Variants in ELMO1 observed in about 807,000 individuals in gnomAD.
ELMO1 encodes the protein engulfment and cell motility protein 1.
In ELMO1, 26 loss-of-function variants were observed where a neutral mutation model predicts 98.9. The observed-to-expected ratio is 0.26, with a 90% CI of 0.19 to 0.36. The LOEUF (loss-of-function observed/expected upper bound fraction) is 0.36. ELMO1 is among the 10% of genes least tolerant of loss of function. The pLI is 1.00. For synonymous variants in ELMO1, 346 were observed against 346.0 expected, an observed-to-expected ratio of 1.00 and a Z score of 0.00; for missense variants, 627 against 935.2, an observed-to-expected ratio of 0.67 and a Z score of 4.30.
intron 1 of ELMO1, among the ~76,000 whole-genome samples, chr7:37,395,818 A>G (rs1275247474): frequency 6.6e-6 from 1 of 151,556 alleles, no homozygotes; most frequent in African/African-American, 2.4e-5. Flanking sequence ...GGTAGGAGAT[A>G]GGGACTTTCC....
chr7:37,363,288 C>A (rs1427200380), intron 1 of ELMO1, among the ~76,000 whole-genome samples: 1 of 152,156 alleles, frequency 6.6e-6, no homozygotes, highest in Admixed American at 6.5e-5. Context: ...CCCACCTGGG[C>A]TCTTGCAAGA....
chr7:37,332,380 C>G (rs1000199349), intron 2 of ELMO1, among the ~76,000 whole-genome samples: 2 of 152,222 alleles, frequency 1.3e-5, no homozygotes, highest in Non-Finnish European at 2.9e-5. Flanking sequence ...CGTGCAGGCC[C>G]TATGCTGGCG....
intron 16 of ELMO1, among the ~76,000 whole-genome samples, chr7:36,946,216 T>C (rs1013100545): frequency 1.3e-5 from 2 of 152,248 alleles, no homozygotes; most frequent in Non-Finnish European, 2.9e-5. Flanking sequence ...AAAGCCAATA[T>C]TTACCTGTCG....
intron 16 of ELMO1, among the ~76,000 whole-genome samples, chr7:36,926,153 G>C (rs1562829847): frequency 6.6e-6 from 1 of 152,162 alleles, no homozygotes; most frequent in Non-Finnish European, 1.5e-5. Context: ...GAAGATCCCA[G>C]CTGCCCAAGG....
chr7:36,894,381 G>A (rs904835922), intron 17 of ELMO1, among the ~76,000 whole-genome samples: 2 of 152,156 alleles, frequency 1.3e-5, no homozygotes, highest in African/African-American at 4.8e-5. Flanking sequence ...GGGCAAAGAG[G>A]AGGTAGTTCA....
intron 16 of ELMO1, among the ~76,000 whole-genome samples, chr7:36,974,383 C>T (rs535851123): frequency 6.6e-6 from 1 of 151,920 alleles, no homozygotes; most frequent in Admixed American, 6.5e-5. Flanking sequence ...ATACACCAAT[C>T]GGCACTCTGT....
chr7:37,272,761 T>C (rs147446682), intron 4 of ELMO1, among the ~76,000 whole-genome samples: 241 of 152,090 alleles, frequency 1.6e-3, no homozygotes, highest in African/African-American at 5.3e-3. Context: ...AAGTGAAAGA[T>C]GCCAGACACA....
intron 4 of ELMO1, among the ~76,000 whole-genome samples, chr7:37,300,886 G>T (rs1215203375): frequency 5.3e-5 from 8 of 152,268 alleles, no homozygotes; most frequent in African/African-American, 1.2e-4. Flanking sequence ...CAGCTGTGAA[G>T]CCATCTGGTC....
intron 13 of ELMO1, among the ~76,000 whole-genome samples, chr7:37,204,543 A>G (rs546247361): frequency 1.9e-4 from 29 of 152,264 alleles, no homozygotes; most frequent in African/African-American, 7.0e-4. Context: ...TATTGCAAAG[A>G]GCAAAAGAAC....
intron 15 of ELMO1, among the ~76,000 whole-genome samples, chr7:37,081,835 T>A (rs1797881561): frequency 6.6e-6 from 1 of 152,056 alleles, no homozygotes; most frequent in Admixed American, 6.5e-5. Context: ...ACAAAAAAAA[T>A]AATGAAAACA....
chr7:37,343,366 T>C (rs1419982183), intron 1 of ELMO1, among the ~76,000 whole-genome samples: 1 of 152,056 alleles, frequency 6.6e-6, no homozygotes, highest in African/African-American at 2.4e-5. Context: ...GCAGAAAATG[T>C]ACAGATGTGG....
chr7:37,289,861 C>T (rs1003583266), intron 4 of ELMO1, among the ~76,000 whole-genome samples: 1 of 152,010 alleles, frequency 6.6e-6, no homozygotes, highest in Admixed American at 6.6e-5. Flanking sequence ...GAGAGTTAAA[C>T]AGTTCAACAT....
chr7:37,061,987 T>G (rs1231938278), intron 15 of ELMO1, among the ~76,000 whole-genome samples: 1 of 152,210 alleles, frequency 6.6e-6, no homozygotes, highest in Non-Finnish European at 1.5e-5. Flanking sequence ...TGGGTTATAT[T>G]TCATCCTATG....
At chr7:36,954,321 T>A (rs538492772) in intron 16 of ELMO1, among the ~76,000 whole-genome samples, 76 of 152,260 alleles carry the variant, frequency 5.0e-4, no homozygotes, top group South Asian at 3.5e-3. Flanking sequence ...TCTGGCCAAA[T>A]GTTTAGGTCA....
chr7:36,915,155 G>A (rs1480377858), intron 16 of ELMO1, among the ~76,000 whole-genome samples: 1 of 151,996 alleles, frequency 6.6e-6, no homozygotes, highest in Admixed American at 6.6e-5. Flanking sequence ...TTGAACTCGT[G>A]GCTTCAAGTG....
At chr7:37,107,525 A>G (rs1785017671) in intron 14 of ELMO1, among the ~76,000 whole-genome samples, 1 of 152,244 alleles carries the variant, frequency 6.6e-6, no homozygotes, top group South Asian at 2.1e-4. Flanking sequence ...ATTAAGCAAC[A>G]AATCTCAAGA....
intron 1 of ELMO1, among the ~76,000 whole-genome samples, chr7:37,372,054 C>T (rs910268065): frequency 6.6e-6 from 1 of 151,876 alleles, no homozygotes; most frequent in South Asian, 2.1e-4. Context: ...CAAATACTGC[C>T]GGTAATTACC....
At chr7:37,423,010 A>G (rs1189996958) in intron 1 of ELMO1, among the ~76,000 whole-genome samples, 2 of 152,178 alleles carry the variant, frequency 1.3e-5, no homozygotes, top group Admixed American at 1.3e-4. Context: ...GCATTACATA[A>G]CTTGTTTAAA....
chr7:36,947,965 G>A (rs770561577), intron 16 of ELMO1, among the ~76,000 whole-genome samples: 15 of 152,162 alleles, frequency 9.9e-5, no homozygotes, highest in Non-Finnish European at 2.2e-4. Flanking sequence ...GAGTTCAAGT[G>A]ACATAAGCTA....
Sources: allele counts gnomAD v4.1 joint callset (sites outside exome capture counted in the v4.1 genomes callset), GRCh38; gene constraint gnomAD v4.1.1; transcripts MANE v1.5; gene names NCBI Gene and HGNC (gene_info 2026-07-23, HGNC 2026-07-21).